Variants in DDHD1 observed in about 807,000 individuals in gnomAD.
The protein encoded by DDHD1 is DDHD domain containing 1, also known as phospholipase DDHD1.
A neutral mutation model predicts 96.4 loss-of-function variants in DDHD1; 49 were observed. That is an observed-to-expected ratio of 0.51 (90% CI 0.40 to 0.64). The LOEUF (loss-of-function observed/expected upper bound fraction) is 0.64. DDHD1 is among the 30% of genes least tolerant of loss of function. The pLI, the probability that DDHD1 is intolerant of heterozygous loss-of-function variation, is 0.00. For missense variants in DDHD1, 1,106 were observed against 1,161.2 expected, an observed-to-expected ratio of 0.95 and a Z score of 0.69; for synonymous variants, 442 against 446.5, an observed-to-expected ratio of 0.99 and a Z score of 0.13.
At chr14:53,055,585 A>C (rs1376789972) in intron 10 of DDHD1, 75 bp downstream of exon 10, 1 of 1,364,168 alleles carries the variant, frequency 7.3e-7, no homozygotes, top group Non-Finnish European at 1.0e-6. Flanking sequence ...AATACATAGA[A>C]TACTTCTAGT....
intron 4 of DDHD1, among the ~76,000 whole-genome samples, chr14:53,085,829 A>G (rs1885897556): frequency 6.6e-6 from 1 of 152,156 alleles, no homozygotes; most frequent in Non-Finnish European, 1.5e-5. Flanking sequence ...AGGCTTCAGA[A>G]GGTTGGTAAT....
chr14:53,127,279 A>T (rs1889525792), intron 1 of DDHD1, among the ~76,000 whole-genome samples: 1 of 152,228 alleles, frequency 6.6e-6, no homozygotes, highest in Non-Finnish European at 1.5e-5. Context: ...CAAATCGTGT[A>T]AACAGTGAAG....
Position 53,063,020 on chromosome 14 carries a change from T to C in DDHD1, c.1689A>G (p.Glu563=), listed in dbSNP as rs766281800. Residue 563 remains glutamate, a synonymous_variant, in exon 7 of 13, where the codon GAA becomes GAG. Coordinates refer to ENST00000673822, the MANE Select transcript of DDHD1 (RefSeq NM_001160148.2). ...TCCATCGTTCATCAGGCAACTCTTCTTCCTTTTGCAGCAACTGTTCATACA... is the reference window on the plus strand; with the variant it reads ...TCCATCGTTCATCAGGCAACTCTTCCTCCTTTTGCAGCAACTGTTCATACA... ...VRLYEQLLQK[E]EELPDERWMS... 3 of 1,614,132 alleles carry C rather than the reference T, an allele frequency of 1.9e-6. No individual in the cohort carries two copies. Among genetic ancestry groups the C allele is most frequent in the East Asian group, 2.2e-5 (1 of 44,856 alleles).
At chr14:53,068,856 T>G (rs2139897338) in intron 6 of DDHD1, among the ~76,000 whole-genome samples, 1 of 152,328 alleles carries the variant, frequency 6.6e-6, no homozygotes, top group East Asian at 1.9e-4. Context: ...TTCAATTTAG[T>G]ATCCATCGAT....
intron 6 of DDHD1, 35 bp downstream of exon 6, chr14:53,072,559 TAAA>T: frequency 1.6e-6 from 2 of 1,273,560 alleles, no homozygotes; most frequent in Non-Finnish European, 2.2e-6. Context: ...AAGCTATCAC[TAAA>T]AAATACCCAC....
At chr14:53,147,699 C>T (rs909914558) in intron 1 of DDHD1, among the ~76,000 whole-genome samples, 4 of 152,082 alleles carry the variant, frequency 2.6e-5, no homozygotes, top group African/African-American at 9.7e-5. Flanking sequence ...TACTGTAAAC[C>T]GAGCAGTCAG....
At position 53,152,934 on chromosome 14, in the gene DDHD1, G is replaced by A. The variant is rs2139939504; in HGVS notation, c.165C>T (p.Pro55=). ...CGGGTTCCCCGCGCAGCAGGGCCAG[G>A]GGCACGTCGCCGTCGTCCGGGTCCC... ...PGGDPDDGDV[P]LALLRGEPGL... Residue 55 remains proline (P), a synonymous_variant, in exon 1 of 13, where the codon CCC becomes CCT. Coordinates refer to ENST00000673822, the MANE Select transcript of DDHD1 (RefSeq NM_001160148.2). The A allele has an allele frequency of 1.2e-6, 2 of 1,602,876 alleles. No individual in the cohort carries two copies. The highest frequency in any genetic ancestry group is 1.7e-5 in the Admixed American group (1 of 58,832).
intron 1 of DDHD1, among the ~76,000 whole-genome samples, chr14:53,133,146 A>G (rs1422653279): frequency 6.6e-6 from 1 of 152,156 alleles, no homozygotes; most frequent in African/African-American, 2.4e-5. Flanking sequence ...TCAGTGTTCC[A>G]TCCACTATTC....
At chr14:53,098,642 A>G (rs1223164475) in intron 2 of DDHD1, among the ~76,000 whole-genome samples, 1 of 152,132 alleles carries the variant, frequency 6.6e-6, no homozygotes, top group African/African-American at 2.4e-5. Flanking sequence ...CTTAGTCACC[A>G]AAGAGAGAAG....
intron 1 of DDHD1, among the ~76,000 whole-genome samples, chr14:53,109,698 T>C (rs1180374861): frequency 6.6e-6 from 1 of 152,144 alleles, no homozygotes; most frequent in Non-Finnish European, 1.5e-5. Context: ...CAGAAGCTCA[T>C]CTCATTTAAC....
intron 1 of DDHD1, among the ~76,000 whole-genome samples, chr14:53,122,327 AC>A (rs1343340532): frequency 6.6e-6 from 1 of 152,202 alleles, no homozygotes; most frequent in African/African-American, 2.4e-5. Context: ...CAGGCAGCTT[AC>A]AATGAGTTCC....
In DDHD1 at chr14:53,153,303, A is replaced by C; in HGVS notation, c.-205T>G. 5.0e-6 allele frequency: 2 copies of C among 402,182 alleles called. No homozygotes were observed. The highest frequency in any genetic ancestry group is 3.9e-5 in the East Asian group (1 of 25,850). 24.9% of individuals were successfully genotyped at this position (402,182 alleles called of 1,614,324 possible). On this transcript the variant is annotated 5_prime_UTR_variant, in exon 1 of 13. Transcript: ENST00000673822. ...GCGTTCTGCCGCCGGCCCCATTGTC[A>C]CGCAGCCCGACGTAGGCGGTGCTTC...
At chr14:53,082,368 ATG>A (rs755667212) in intron 4 of DDHD1, among the ~76,000 whole-genome samples, 7 of 151,922 alleles carry the variant, frequency 4.6e-5, no homozygotes, top group Non-Finnish European at 8.8e-5. Flanking sequence ...AAGAAAATAT[ATG>A]TGTGACATAA....
intron 4 of DDHD1, among the ~76,000 whole-genome samples, chr14:53,082,549 A>T (rs1389427735): frequency 6.6e-6 from 1 of 150,574 alleles, no homozygotes; most frequent in Non-Finnish European, 1.5e-5. Flanking sequence ...ACCTGAGGTC[A>T]GGAGTTCGAG....
chr14:53,096,149 T>C (rs1261891942), intron 2 of DDHD1: 2 of 985,120 alleles, frequency 2.0e-6, no homozygotes, highest in East Asian at 1.1e-4. Flanking sequence ...ACCTGTCGCA[T>C]CTGTACTCTC....
intron 1 of DDHD1, among the ~76,000 whole-genome samples, chr14:53,107,813 T>C (rs1595187837): frequency 6.6e-6 from 1 of 152,056 alleles, no homozygotes; most frequent in Non-Finnish European, 1.5e-5. Context: ...GCTGGGAAGG[T>C]GACTGCATCC....
intron 4 of DDHD1, among the ~76,000 whole-genome samples, chr14:53,090,768 T>C (rs554057745): frequency 6.6e-6 from 1 of 152,034 alleles, no homozygotes; most frequent in Middle Eastern, 3.2e-3. Context: ...AAATACCTAA[T>C]GTAAATGATG....
At chr14:53,065,341 A>AT (rs1289709087) in intron 6 of DDHD1, among the ~76,000 whole-genome samples, 1 of 152,236 alleles carries the variant, frequency 6.6e-6, no homozygotes, top group East Asian at 1.9e-4. Flanking sequence ...ATCTATATCA[A>AT]TTAAATAATT....
At chr14:53,067,646 A>G (rs1023869643) in intron 6 of DDHD1, among the ~76,000 whole-genome samples, 6 of 151,798 alleles carry the variant, frequency 4.0e-5, no homozygotes, top group African/African-American at 1.5e-4. Flanking sequence ...TAGTAGAGAC[A>G]GAGTTTCTCC....
Sources: allele counts gnomAD v4.1 joint callset (sites outside exome capture counted in the v4.1 genomes callset), GRCh38; gene constraint gnomAD v4.1.1; transcripts MANE v1.5; gene names NCBI Gene and HGNC (gene_info 2026-07-23, HGNC 2026-07-21).